CCDC73: variants seen among roughly 807,000 people sequenced by gnomAD.
CCDC73 encodes coiled-coil domain containing 73.
A neutral mutation model predicts 116.5 loss-of-function variants in CCDC73; 95 were observed. The ratio of observed to expected loss-of-function variants is 0.82; its 90% confidence interval spans 0.69 to 0.97. The LOEUF (loss-of-function observed/expected upper bound fraction) is 0.97. Ranked by LOEUF, CCDC73 falls within the 50% of genes least tolerant of loss-of-function variation. The probability of loss-of-function intolerance (pLI) is 0.00; values close to 1 mark genes in which losing one functional copy is unlikely to be tolerated. For missense variants in CCDC73, 1,066 were observed against 1,206.8 expected (o/e 0.88, Z 1.73); for synonymous variants, 398 against 401.3 (o/e 0.99, Z 0.10).
intron 2 of CCDC73, among the ~76,000 whole-genome samples, chr11:32,725,344 A>C (rs754838808): frequency 1.3e-5 from 2 of 152,082 alleles, no homozygotes; most frequent in Admixed American, 6.6e-5. Flanking sequence ...TTATAAACTA[A>C]ACTTCATTAC....
upstream of CCDC73, among the ~76,000 whole-genome samples, chr11:32,795,209 C>T (rs74595205): frequency 6.4e-3 from 967 of 152,180 alleles, 7 homozygotes; most frequent in Middle Eastern, 0.061. Flanking sequence ...TGGCTCATGC[C>T]TGTAACCCCA....
Position 32,642,039 on chromosome 11 carries a change from TC to T in CCDC73, c.982del (p.Glu328LysfsTer17), listed in dbSNP as rs766998776. The T allele has an allele frequency of 1.9e-6, 3 of 1,574,682 alleles. No individual in the cohort carries two copies. The highest frequency in any genetic ancestry group is 2.7e-5 in the African/African-American group (2 of 73,636). On this transcript the variant is annotated frameshift_variant, in exon 13 of 18. Transcript: ENST00000335185. LOFTEE classifies it high-confidence loss of function. ...AAGATTAAGAAACTTTTCTTCATTTTCTTTTACCTTCTCCCTTTGCAGCTCA... is the reference window on the plus strand; with the variant it reads ...AAGATTAAGAAACTTTTCTTCATTTTTTTTACCTTCTCCCTTTGCAGCTCA... ...DNELQREKVK[E>X]NEEKFLNLQN... is the part of the protein sequence containing the mutation.
At chr11:32,692,277 T>C (rs1182379754) in intron 6 of CCDC73, among the ~76,000 whole-genome samples, 1 of 152,070 alleles carries the variant, frequency 6.6e-6, no homozygotes, top group Admixed American at 6.6e-5. Context: ...TTCTCAACTT[T>C]CAGAACTTTG....
intron 2 of CCDC73, among the ~76,000 whole-genome samples, chr11:32,735,741 G>A (rs571132836): frequency 1.8e-4 from 28 of 152,228 alleles, no homozygotes; most frequent in African/African-American, 4.1e-4. Context: ...GAGGCATCAC[G>A]CTACCTGACT....
At chr11:32,615,776 T>A in intron 15 of CCDC73, 164 bp downstream of exon 15, 1 of 616,830 alleles carries the variant, frequency 1.6e-6, no homozygotes, top group South Asian at 2.3e-5. Context: ...AGGTTACTGG[T>A]GACTCCAAGA....
At chr11:32,711,885 G>C (rs1415348502) in intron 3 of CCDC73, among the ~76,000 whole-genome samples, 1 of 152,104 alleles carries the variant, frequency 6.6e-6, no homozygotes, top group Non-Finnish European at 1.5e-5. Context: ...AACACCATGG[G>C]AGTCATCAGG....
At chr11:32,681,659 C>T (rs1360790898) in intron 7 of CCDC73, 2 of 151,936 alleles carry the variant, frequency 1.3e-5, no homozygotes, top group African/African-American at 2.4e-5. Flanking sequence ...TCCCCAAAGT[C>T]GTGCCTTCAC....
chr11:32,828,231 G>A, the CCDC73 span, among the ~76,000 whole-genome samples: 11,354 of 152,138 alleles, frequency 0.075, 449 homozygotes, highest in Non-Finnish European at 0.089. Context: ...ATTTGAGGCC[G>A]GGCACAGTGG....
chr11:32,632,780 G>GT lies in CCDC73; in HGVS notation c.1185+2915dup, dbSNP rs201437212. 9.9e-3 allele frequency among the ~76,000 whole-genome samples: 1,509 copies of GT among 151,662 alleles called. 16 individuals carry two copies. Among genetic ancestry groups the GT allele is most frequent in the Non-Finnish European group, 0.016 (1,087 of 67,850 alleles). On this transcript the variant is annotated intron_variant, in intron 14 of 17. Transcript: ENST00000335185. ...TACTTTACTAAAATATATATATATA[G>GT]TTTTTTTAACCGAATGAAAATGAAA...
At position 32,652,722 on chromosome 11, in the gene CCDC73, G is replaced by C. The variant is rs372233559; in HGVS notation, c.939+401C>G. On this transcript the variant is annotated intron_variant, in intron 12 of 17. Coordinates refer to ENST00000335185, the MANE Select transcript of CCDC73 (RefSeq NM_001008391.4). ...ACAGCGCCAATTTTATCATATTCCT[G>C]TGAAGAGAGATCTACCCCAAACTTC... Among the ~76,000 whole-genome samples, 235 of 152,136 alleles carry C rather than the reference G, an allele frequency of 1.5e-3. 8 individuals are homozygous for C. The South Asian group carries it at 0.045, about 29-fold the overall frequency.
intron 9 of CCDC73, among the ~76,000 whole-genome samples, chr11:32,668,614 G>T (rs1488797858): frequency 2.0e-5 from 3 of 152,166 alleles, no homozygotes; most frequent in Non-Finnish European, 2.9e-5. Flanking sequence ...AAGGTTCATG[G>T]TCAATTAGCA....
In CCDC73 at chr11:32,643,880, T is replaced by A. The variant is rs116784647; in HGVS notation, c.940-1798A>T. ...CTTAGTTGACTTTACAAACTTTTTT[T>A]TAACTTTTTGACTCTTTTGAAATAA... On this transcript the variant is annotated intron_variant, in intron 12 of 17. Coordinates refer to ENST00000335185, the MANE Select transcript of CCDC73 (RefSeq NM_001008391.4). Among the ~76,000 whole-genome samples, 1,090 of 152,276 alleles carry A rather than the reference T, an allele frequency of 7.2e-3. 17 individuals carry two copies. Among genetic ancestry groups the A allele is most frequent in the African/African-American group, 0.025 (1,051 of 41,578 alleles).
intron 2 of CCDC73, among the ~76,000 whole-genome samples, chr11:32,745,426 G>C (rs941622513): frequency 2.0e-5 from 3 of 152,130 alleles, no homozygotes; most frequent in Admixed American, 1.3e-4. Context: ...AGGTCTGCTT[G>C]GTGCAGAGCT....
chr11:32,659,971 T>C (rs1029927888), intron 9 of CCDC73, among the ~76,000 whole-genome samples: 1 of 152,144 alleles, frequency 6.6e-6, no homozygotes, highest in Non-Finnish European at 1.5e-5. Context: ...CACATGCTCA[T>C]TCCTGAACCA....
At chr11:32,690,396 A>C (rs74737132) in intron 6 of CCDC73, among the ~76,000 whole-genome samples, 115 of 152,246 alleles carry the variant, frequency 7.6e-4, no homozygotes, top group East Asian at 6.9e-3. Context: ...CCACACATAC[A>C]TAACCCCCAA....
At chr11:32,782,122 T>G (rs1850589793) in intron 1 of CCDC73, among the ~76,000 whole-genome samples, 1 of 152,196 alleles carries the variant, frequency 6.6e-6, no homozygotes, top group East Asian at 1.9e-4. Context: ...GATCTGTCAC[T>G]GTCTCCCATC....
the CCDC73 span, among the ~76,000 whole-genome samples, chr11:32,821,726 G>C: frequency 6.6e-6 from 1 of 152,104 alleles, no homozygotes; most frequent in Non-Finnish European, 1.5e-5. Flanking sequence ...AAATGCTAAG[G>C]GGGTAAAGTG....
intron 2 of CCDC73, among the ~76,000 whole-genome samples, chr11:32,738,248 C>T (rs1850153220): frequency 6.6e-6 from 1 of 152,130 alleles, no homozygotes; most frequent in Non-Finnish European, 1.5e-5. Flanking sequence ...CATATGGTAG[C>T]TCTATTTTCA....
At chr11:32,786,440 A>G (rs1850628695) in intron 1 of CCDC73, among the ~76,000 whole-genome samples, 1 of 120,366 alleles carries the variant, frequency 8.3e-6, no homozygotes, top group African/African-American at 3.2e-5. Context: ...AATATATAAT[A>G]AATATATTAT....
Sources: allele counts gnomAD v4.1 joint callset (sites outside exome capture counted in the v4.1 genomes callset), GRCh38; gene constraint gnomAD v4.1.1; transcripts MANE v1.5; gene names NCBI Gene and HGNC (gene_info 2026-07-23, HGNC 2026-07-21).